OPALIN: variants seen among roughly 807,000 people sequenced by gnomAD.
OPALIN encodes the protein transmembrane protein 10.
In OPALIN, 15 loss-of-function variants were observed where a neutral mutation model predicts 17.8. The observed-to-expected ratio is 0.84, with a 90% CI of 0.56 to 1.29. The LOEUF (loss-of-function observed/expected upper bound fraction) is 1.29. Ranked by LOEUF, OPALIN falls within the 50% of genes most tolerant of loss-of-function variation. The probability of loss-of-function intolerance (pLI) is 0.00; values close to 1 mark genes in which losing one functional copy is unlikely to be tolerated. For synonymous variants in OPALIN, 62 were observed against 63.8 expected (o/e 0.97, Z 0.14); for missense variants, 170 against 176.0 (o/e 0.97, Z 0.19).
In OPALIN at chr10:96,343,807, G is replaced by C. The variant is rs139967785; in HGVS notation, c.*2134C>G. 6.6e-6 allele frequency: 1 copy of C among 152,236 alleles called. No individual in the cohort carries two copies. The highest frequency in any genetic ancestry group is 2.4e-5 in the African/African-American group (1 of 41,462). The allele number at this position is 152,236 out of a possible 1,614,324, so 9.4% of individuals were successfully genotyped here. The stretch of plus-strand genomic sequence containing the variant: ...CATAGAACATGTTCTTGGTTATTCA[G>C]GGAAGAGGGGCATGTTTCTGAGTAA... On this transcript the variant is annotated 3_prime_UTR_variant, in exon 6 of 6. Coordinates refer to ENST00000371172, the MANE Select transcript of OPALIN (RefSeq NM_033207.5).
At chr10:96,348,080 A>G (rs1845415338) in intron 5 of OPALIN, among the ~76,000 whole-genome samples, 1 of 152,234 alleles carries the variant, frequency 6.6e-6, no homozygotes, top group African/African-American at 2.4e-5. Context: ...AATAAATTAT[A>G]TTAAATTGAT....
chr10:96,347,639 T>A (rs111745635), intron 5 of OPALIN, among the ~76,000 whole-genome samples: 3,299 of 150,952 alleles, frequency 0.022, 141 homozygotes, highest in African/African-American at 0.074. Context: ...ACCCAGCTAA[T>A]TTTTTGTATT....
At chr10:96,346,204 C>T in intron 5 of OPALIN, 87 bp from the exon 6 acceptor site, 3 of 1,246,972 alleles carry the variant, frequency 2.4e-6, no homozygotes, top group Non-Finnish European at 3.4e-6. Flanking sequence ...TTGACCCTCC[C>T]ACCTGAAATA....
At chr10:96,346,585 A>G (rs941844216) in intron 5 of OPALIN, among the ~76,000 whole-genome samples, 1 of 151,944 alleles carries the variant, frequency 6.6e-6, no homozygotes, top group Non-Finnish European at 1.5e-5. Context: ...CCATCTTGCT[A>G]TTTGTTTTCT....
At chr10:96,348,431 CA>C in intron 4 of OPALIN, 86 bp from the exon 5 acceptor site, 1 of 647,150 alleles carries the variant, frequency 1.5e-6, no homozygotes, top group South Asian at 2.3e-5. Context: ...TGATTAAAAT[CA>C]GTGCTTTTTA....
intron 1 of OPALIN, among the ~76,000 whole-genome samples, chr10:96,357,986 G>A (rs7895009): frequency 0.99 from 151,036 of 152,106 alleles, 74,995 homozygotes; most frequent in Middle Eastern, 1. Flanking sequence ...ACTTACTGCT[G>A]TTGAAGGTGT....
In OPALIN at chr10:96,355,246, T is replaced by A; in HGVS notation, c.39+9A>T. 1 of 1,613,434 alleles carries A rather than the reference T, an allele frequency of 6.2e-7. No homozygotes were observed. Among genetic ancestry groups the A allele is most frequent in the Non-Finnish European group, 8.5e-7 (1 of 1,179,702 alleles). ...GCGTTGCCTGGTGAATGGGGGCTGC[T>A]GTACTTACTGTGTTCGCCGGCAGGG... On this transcript the variant is annotated intron_variant, in intron 2 of 5. Coordinates refer to ENST00000371172, the MANE Select transcript of OPALIN (RefSeq NM_033207.5).
At chr10:96,358,353 A>C (rs1845895553) in intron 1 of OPALIN, among the ~76,000 whole-genome samples, 1 of 152,212 alleles carries the variant, frequency 6.6e-6, no homozygotes, top group South Asian at 2.1e-4. Context: ...GCTAATATTC[A>C]GTTGTATATA....
intron 2 of OPALIN, among the ~76,000 whole-genome samples, chr10:96,353,890 C>T (rs763096911): frequency 6.6e-6 from 1 of 152,156 alleles, no homozygotes; most frequent in African/African-American, 2.4e-5. Flanking sequence ...AAGTGCCCCC[C>T]ACCAGAGGCT....
rs1044831975 is a variant in OPALIN, at chr10:96,344,293, C to T, written c.*1648G>A. On this transcript the variant is annotated 3_prime_UTR_variant, in exon 6 of 6. Coordinates refer to ENST00000371172, the MANE Select transcript of OPALIN (RefSeq NM_033207.5). ...CACACACAGTCCGTCGCAGAACTGCCCTCCTTAAATACTCTCTGATTACAG... is the reference window on the plus strand; with the variant it reads ...CACACACAGTCCGTCGCAGAACTGCTCTCCTTAAATACTCTCTGATTACAG... 6.6e-5 allele frequency: 10 copies of T among 152,116 alleles called. No individual in the cohort carries two copies. The highest frequency in any genetic ancestry group is 2.4e-4 in the African/African-American group (10 of 41,390). The allele number at this position is 152,116 out of a possible 1,614,324, so 9.4% of individuals were successfully genotyped here.
At chr10:96,356,779 C>T (rs1423913571) in intron 1 of OPALIN, 4 of 598,176 alleles carry the variant, frequency 6.7e-6, no homozygotes, top group Admixed American at 1.3e-4. Context: ...AACTAGCACG[C>T]TTCAGTGGTG....
Position 96,345,780 on chromosome 10 carries a change from A to G in OPALIN, c.*161T>C. ...AGAGTTGGAATTAACCATGTTGGGG[A>G]TGTCCCCTAAAGAGACAAATCAGCC... On this transcript the variant is annotated 3_prime_UTR_variant, in exon 6 of 6. Transcript: ENST00000371172. The G allele has an allele frequency of 1.6e-6, 1 of 620,468 alleles. No individual in the cohort carries two copies. Among genetic ancestry groups the G allele is most frequent in the Non-Finnish European group, 2.8e-6 (1 of 361,216 alleles). The allele number at this position is 620,468 out of a possible 1,614,324, so 38.4% of individuals were successfully genotyped here.
chr10:96,357,490 C>T (rs1465579309), intron 1 of OPALIN, among the ~76,000 whole-genome samples: 1 of 152,110 alleles, frequency 6.6e-6, no homozygotes, highest in Admixed American at 6.6e-5. Flanking sequence ...GATCTAAATT[C>T]GAGCCCACAC....
At position 96,349,801 on chromosome 10, in the gene OPALIN, G is replaced by A. The variant is rs1053413912; in HGVS notation, c.98C>T (p.Ala33Val). The A allele has an allele frequency of 2.7e-5, 44 of 1,613,288 alleles. No homozygotes were observed. In the Middle Eastern group the frequency reaches 4.9e-4, roughly 18 times the overall value. ...ETDCGPSLGL[A>V]AGIPLLVATA... ...GGCCACCAGCAATGGTATGCCCGCC[G>A]CTAATCCAAGAGAGGGCCCACAGTC... is the stretch of plus-strand genomic sequence containing the variant. Residue 33 changes from alanine (A) to valine (V), a missense_variant, in exon 4 of 6, where the codon GCG (alanine) becomes GTG (valine). Coordinates refer to ENST00000371172, the MANE Select transcript of OPALIN (RefSeq NM_033207.5).
At chr10:96,350,820 A>T (rs142794165) in intron 3 of OPALIN, among the ~76,000 whole-genome samples, 1 of 152,238 alleles carries the variant, frequency 6.6e-6, no homozygotes, top group African/African-American at 2.4e-5. Context: ...TTTGCAGACT[A>T]TCTGGAAATA....
chr10:96,349,783 A>T lies in OPALIN; in HGVS notation c.116T>A (p.Leu39Gln). 1 of 1,612,814 alleles carries T rather than the reference A, an allele frequency of 6.2e-7. No individual in the cohort carries two copies. Among genetic ancestry groups the T allele is most frequent in the Non-Finnish European group, 8.5e-7 (1 of 1,179,142 alleles). ...SLGLAAGIPL[L>Q]VATALLVALL... ...AGCCACCAGCAGGGCTGTGGCCACC[A>T]GCAATGGTATGCCCGCCGCTAATCC... The change falls in exon 4 of 6, where the codon CTG becomes CAG. Residue 39 changes from leucine to glutamine, a missense_variant. By Grantham distance (113) the Leu-to-Gln change is moderately radical (BLOSUM62 -2). Coordinates refer to ENST00000371172, the MANE Select transcript of OPALIN (RefSeq NM_033207.5).
intron 2 of OPALIN, among the ~76,000 whole-genome samples, chr10:96,353,273 G>C (rs2901989): frequency 0.15 from 22,959 of 152,174 alleles, 2,424 homozygotes; most frequent in East Asian, 0.53. Flanking sequence ...TGGCATTTCA[G>C]TCCTCAGCAG....
intron 3 of OPALIN, among the ~76,000 whole-genome samples, chr10:96,350,939 A>G (rs955589587): frequency 6.6e-6 from 1 of 150,656 alleles, no homozygotes; most frequent in African/African-American, 2.4e-5. Flanking sequence ...ATAATAAAGT[A>G]TATGAATCAC....
At chr10:96,350,293 G>A (rs1845525160) in intron 3 of OPALIN, among the ~76,000 whole-genome samples, 1 of 152,118 alleles carries the variant, frequency 6.6e-6, no homozygotes. Context: ...TTGGCTCACT[G>A]CAACCTCCGC....
Sources: allele counts gnomAD v4.1 joint callset (sites outside exome capture counted in the v4.1 genomes callset), GRCh38; gene constraint gnomAD v4.1.1; transcripts MANE v1.5; gene names NCBI Gene and HGNC (gene_info 2026-07-23, HGNC 2026-07-21).